Variants in FLACC1 observed in about 807,000 individuals in gnomAD.
The protein encoded by FLACC1 is flagellum associated containing coiled-coil domains 1.
A neutral mutation model predicts 62.8 loss-of-function variants in FLACC1; 66 were observed. The observed-to-expected ratio is 1.05, with a 90% CI of 0.86 to 1.29. The LOEUF is 1.29. FLACC1 is among the 50% of genes most tolerant of loss of function. The pLI, the probability that FLACC1 is intolerant of heterozygous loss-of-function variation, is 0.00. For synonymous variants in FLACC1, 156 were observed against 161.0 expected (o/e 0.97, Z 0.24); for missense variants, 452 against 489.1 (o/e 0.92, Z 0.71).
In FLACC1 at chr2:201,350,300, G is replaced by A. The variant is rs1008175096; in HGVS notation, c.185+411C>T. On this transcript the variant is annotated intron_variant, in intron 3 of 14. Coordinates refer to ENST00000392257, the MANE Select transcript of FLACC1 (RefSeq NM_001127391.3). ...CTCAGGAGGCTAAGGCAGGAGAATC[G>A]TTTGAACCAGGGAGGTGGAGGTTGG... 7.2e-5 allele frequency among the ~76,000 whole-genome samples: 11 copies of A among 152,132 alleles called. No homozygotes were observed. The East Asian group carries it at 1.3e-3, about 19-fold the overall frequency.
At chr2:201,350,323 T>C (rs1950999681) in intron 3 of FLACC1, among the ~76,000 whole-genome samples, 1 of 151,976 alleles carries the variant, frequency 6.6e-6, no homozygotes, top group Non-Finnish European at 1.5e-5. Flanking sequence ...AGGTGGAGGT[T>C]GGAATGAGCC....
chr2:201,324,739 T>C (rs1576448075), intron 9 of FLACC1, among the ~76,000 whole-genome samples: 1 of 152,268 alleles, frequency 6.6e-6, no homozygotes, highest in East Asian at 1.9e-4. Context: ...GGAAATAAAA[T>C]AATCCATTCC....
At position 201,316,721 on chromosome 2, in the gene FLACC1, TA is replaced by T. The variant is rs1950314450; in HGVS notation, c.676-7472del. Among the ~76,000 whole-genome samples the T allele has an allele frequency of 4.6e-5, 7 of 152,108 alleles. No individual in the cohort carries two copies. In the South Asian group the frequency reaches 1.5e-3, roughly 32 times the overall value. ...TCATTGTATGAAGCCAGTATCACCCTAATACTAAAAACAGGAAAAGACATAA... is the reference window on the plus strand; with the variant it reads ...TCATTGTATGAAGCCAGTATCACCCTATACTAAAAACAGGAAAAGACATAA... On this transcript the variant is annotated intron_variant, in intron 9 of 14. Coordinates refer to ENST00000392257, the MANE Select transcript of FLACC1 (RefSeq NM_001127391.3).
intron 7 of FLACC1, among the ~76,000 whole-genome samples, chr2:201,341,164 C>T (rs1479097772): frequency 6.6e-6 from 1 of 151,878 alleles, no homozygotes; most frequent in Admixed American, 6.6e-5. Flanking sequence ...TTGCTGTAAA[C>T]CTAAAACTGC....
Position 201,351,310 on chromosome 2 carries a change from T to C in FLACC1, c.95A>G (p.Asn32Ser), listed in dbSNP as rs1407411735. 1.9e-6 allele frequency: 3 copies of C among 1,613,596 alleles called. No homozygotes were observed. The highest frequency in any genetic ancestry group is 1.1e-5 in the South Asian group (1 of 91,060). The change falls in exon 2 of 15, where the codon AAC becomes AGC. Residue 32 changes from asparagine (N) to serine (S), a missense_variant. Asn to Ser is a conservative substitution (Grantham distance 46). Transcript: ENST00000392257. Reference protein sequence around the residue: ...LIKTPQLPRKNSTGSSKLTPL... With the variant: ...LIKTPQLPRKSSTGSSKLTPL... ...TTCTTACTTGGAACTCCCTGTGGAGTTCTTGCGTGGTAGTTGAGGGGTCTT... is the reference window on the plus strand; with the variant it reads ...TTCTTACTTGGAACTCCCTGTGGAGCTCTTGCGTGGTAGTTGAGGGGTCTT...
intron 9 of FLACC1, among the ~76,000 whole-genome samples, chr2:201,324,885 T>A (rs1175383805): frequency 6.6e-6 from 1 of 152,106 alleles, no homozygotes; most frequent in Non-Finnish European, 1.5e-5. Flanking sequence ...TTCTAGCACT[T>A]TGGGAGGCCA....
At chr2:201,322,156 C>G (rs1049613827) in intron 9 of FLACC1, among the ~76,000 whole-genome samples, 7 of 151,516 alleles carry the variant, frequency 4.6e-5, no homozygotes, top group Non-Finnish European at 8.8e-5. Context: ...GTAATCCCAG[C>G]TACTTGGGAG....
At chr2:201,337,045 T>C (rs1950710354) in intron 7 of FLACC1, among the ~76,000 whole-genome samples, 5 of 152,314 alleles carry the variant, frequency 3.3e-5, no homozygotes, top group Admixed American at 2.6e-4. Context: ...GAGTCCTCTG[T>C]CAAATGAGTA....
intron 7 of FLACC1, 30 bp from the exon 8 acceptor site, chr2:201,330,863 A>T (rs1232583837): frequency 4.4e-6 from 7 of 1,591,340 alleles, no homozygotes; most frequent in South Asian, 1.1e-5. Flanking sequence ...GGCCACAATC[A>T]TTAGTAAAAA....
intron 7 of FLACC1, among the ~76,000 whole-genome samples, chr2:201,337,655 C>G (rs923580194): frequency 6.6e-6 from 1 of 152,154 alleles, no homozygotes; most frequent in African/African-American, 2.4e-5. Context: ...TCCCAAGTAG[C>G]TAGGACTCCA....
At position 201,313,388 on chromosome 2, in the gene FLACC1, A is replaced by G. The variant is rs1345503043; in HGVS notation, c.676-4138T>C. Among the ~76,000 whole-genome samples, 3 of 152,172 alleles carry G rather than the reference A, an allele frequency of 2.0e-5. No homozygotes were observed. In the East Asian group the frequency reaches 5.8e-4, roughly 29 times the overall value. On this transcript the variant is annotated intron_variant, in intron 9 of 14. Coordinates refer to ENST00000392257, the MANE Select transcript of FLACC1 (RefSeq NM_001127391.3). ...CTGGGTTGGGGGCATGGTGGGAGTGAGATTGATCTTCTGGGTTTCGTGGGA... is the reference window on the plus strand; with the variant it reads ...CTGGGTTGGGGGCATGGTGGGAGTGGGATTGATCTTCTGGGTTTCGTGGGA...
At chr2:201,338,059 TC>T (rs1950730200) in intron 7 of FLACC1, among the ~76,000 whole-genome samples, 1 of 152,250 alleles carries the variant, frequency 6.6e-6, no homozygotes, top group African/African-American at 2.4e-5. Context: ...TTTGTTTGTG[TC>T]CTCTTCAATT....
rs1950496955 is a variant in FLACC1 at position 201,326,140 on chromosome 2, C to T, written c.675+4330G>A. On this transcript the variant is annotated intron_variant, in intron 9 of 14. Transcript: ENST00000392257. The surrounding 1 kb of genome is among the most constrained non-coding windows in gnomAD (Gnocchi z 4.1). ...CATCCTTCATAATTAAAACTCCTAACAAACTAGGCATAGAAGGGACCTACC... is the reference window on the plus strand; with the variant it reads ...CATCCTTCATAATTAAAACTCCTAATAAACTAGGCATAGAAGGGACCTACC... Among the ~76,000 whole-genome samples, 1 of 152,160 alleles carries T rather than the reference C, an allele frequency of 6.6e-6. No homozygotes were observed. Among genetic ancestry groups the T allele is most frequent in the Non-Finnish European group, 1.5e-5 (1 of 68,018 alleles).
rs1950924897 is a variant in FLACC1, at chr2:201,346,802, T to C, written c.235-127A>G. On this transcript the variant is annotated intron_variant, in intron 4 of 14. Coordinates refer to ENST00000392257, the MANE Select transcript of FLACC1 (RefSeq NM_001127391.3). The surrounding 1 kb of genome is among the most constrained non-coding windows in gnomAD (Gnocchi z 4.0). ...TGGGACTCCACAGCCCAAGCCCTTC[T>C]GGGCCCTTCACCCATTATAGCTCAT... 3.4e-6 allele frequency: 4 copies of C among 1,182,184 alleles called. No individual in the cohort carries two copies. The highest frequency in any genetic ancestry group is 4.8e-6 in the Non-Finnish European group (4 of 839,096). The allele number at this position is 1,182,184 out of a possible 1,614,324, so 73.2% of individuals were successfully genotyped here.
chr2:201,331,965 T>C (rs1320267534), intron 7 of FLACC1, among the ~76,000 whole-genome samples: 1 of 152,232 alleles, frequency 6.6e-6, no homozygotes, highest in Non-Finnish European at 1.5e-5. Flanking sequence ...GCAGTAAGTA[T>C]ATGGGAAATC....
chr2:201,334,500 C>T (rs1306396638), intron 7 of FLACC1, among the ~76,000 whole-genome samples: 4 of 152,128 alleles, frequency 2.6e-5, no homozygotes, highest in Non-Finnish European at 5.9e-5. Flanking sequence ...ATAGTGTGAA[C>T]AGGCTGGGTG....
Position 201,288,657 on chromosome 2 carries a change from A to G in FLACC1, c.1267T>C (p.Ter423GlnextTer17), listed in dbSNP as rs768483039. The G allele has an allele frequency of 1.7e-5, 28 of 1,613,368 alleles. No individual in the cohort carries two copies. In the South Asian group the frequency reaches 3.0e-4, roughly 17 times the overall value. Residue 423 changes from the stop codon to glutamine (Q), a stop_lost, in exon 15 of 15, where the codon TAA becomes CAA. Transcript: ENST00000392257. Reference sequence around the variant, plus strand: ...AACAATGCAGAGCAACTTTTTGTTTATGATTCTTGTCCTTTCTTGCTACCA... The same window carrying G: ...AACAATGCAGAGCAACTTTTTGTTTGTGATTCTTGTCCTTTCTTGCTACCA... ...QDGSKKGQES* is the reference protein window; with the variant it reads ...QDGSKKGQESQ
intron 12 of FLACC1, among the ~76,000 whole-genome samples, chr2:201,292,152 A>G (rs545970875): frequency 6.6e-6 from 1 of 152,318 alleles, no homozygotes; most frequent in South Asian, 2.1e-4. Flanking sequence ...CAGGCCAACA[A>G]TCAGATTCAG....
intron 7 of FLACC1, among the ~76,000 whole-genome samples, chr2:201,334,059 G>T (rs972669784): frequency 1.6e-4 from 24 of 152,258 alleles, no homozygotes; most frequent in African/African-American, 4.3e-4. Context: ...TTTCTCCACA[G>T]CCTCTCCAGC....
Sources: gnomAD v4.1 joint callset for allele counts (sites outside exome capture counted in the v4.1 genomes callset) on GRCh38, gnomAD v4.1.1 for gene constraint, Gnocchi (gnomAD v3.1) non-coding constraint, MANE v1.5 for transcripts, NCBI Gene and HGNC (gene_info 2026-07-23, HGNC 2026-07-21) for gene names.